ZNF438: variants seen among roughly 807,000 people sequenced by gnomAD.
The protein encoded by ZNF438 is zinc finger protein 438.
Under a neutral mutation model 38.0 loss-of-function variants are expected in ZNF438, and 25 were observed. The observed-to-expected ratio is 0.66, with a 90% CI of 0.48 to 0.92. The LOEUF (loss-of-function observed/expected upper bound fraction) is 0.92, where lower values mean the gene tolerates loss of function less well. Among genes scored for constraint, ZNF438 ranks in the 40% least tolerant of loss-of-function variants. The probability of loss-of-function intolerance (pLI) is 0.00; values close to 1 mark genes in which losing one functional copy is unlikely to be tolerated. For missense variants in ZNF438, 1,007 were observed against 999.6 expected (o/e 1.01, Z -0.10); for synonymous variants, 372 against 364.1 (o/e 1.02, Z -0.25).
chr10:30,928,611 C>T (rs1439846506), intron 2 of ZNF438, among the ~76,000 whole-genome samples: 1 of 149,812 alleles, frequency 6.7e-6, no homozygotes, highest in Non-Finnish European at 1.5e-5. Flanking sequence ...AATTTGAGTA[C>T]TGATATTTAA....
intron 4 of ZNF438, among the ~76,000 whole-genome samples, chr10:30,861,303 T>C (rs1297719204): frequency 6.6e-6 from 1 of 152,208 alleles, no homozygotes; most frequent in Non-Finnish European, 1.5e-5. Context: ...ATTTAGGGAA[T>C]GATGACAAGG....
intron 3 of ZNF438, among the ~76,000 whole-genome samples, chr10:30,889,527 TC>T (rs955614351): frequency 1.3e-5 from 2 of 152,112 alleles, no homozygotes; most frequent in South Asian, 2.1e-4. Flanking sequence ...TGTCTCAGCC[TC>T]CCCAGTAGCT....
intron 1 of ZNF438, among the ~76,000 whole-genome samples, chr10:30,983,110 T>G (rs2052394532): frequency 6.6e-6 from 1 of 152,140 alleles, no homozygotes; most frequent in South Asian, 2.1e-4. Context: ...GGGAACCATT[T>G]AAAGGGCCTG....
chr10:30,897,914 G>A (rs1001871395), intron 3 of ZNF438, among the ~76,000 whole-genome samples: 1 of 152,122 alleles, frequency 6.6e-6, no homozygotes, highest in African/African-American at 2.4e-5. Context: ...CAATCACACA[G>A]CATTAAACTT....
At chr10:30,968,831 C>T (rs572456033) in intron 1 of ZNF438, among the ~76,000 whole-genome samples, 1 of 152,208 alleles carries the variant, frequency 6.6e-6, no homozygotes, top group Non-Finnish European at 1.5e-5. Flanking sequence ...TGTGACCATA[C>T]AGATCTTAGA....
At position 30,908,932 on chromosome 10, in the gene ZNF438, C is replaced by T. The variant is rs2042828342; in HGVS notation, c.-32+1G>A. On this transcript the variant is annotated splice_donor_variant, in intron 3 of 5. Coordinates refer to ENST00000413025, the Ensembl canonical transcript of ZNF438. LOFTEE classifies it low-confidence loss of function (5UTR_SPLICE). ...TATGCAAAAATTATTTAACAAAATA[C>T]CTTTTACTGTTCTTGCATGAAGTTT... The T allele has an allele frequency of 6.6e-6, 1 of 152,044 alleles. No individual in the cohort carries two copies. The highest frequency in any genetic ancestry group is 2.4e-5 in the African/African-American group (1 of 41,398). The allele number at this position is 152,044 out of a possible 1,614,324, so 9.4% of individuals were successfully genotyped here. A position where few individuals can be genotyped will look rare whatever the true frequency, so the allele number is the denominator to read the frequency against.
intron 1 of ZNF438, among the ~76,000 whole-genome samples, chr10:30,963,840 C>G (rs2136086146): frequency 6.6e-6 from 1 of 152,132 alleles, no homozygotes; most frequent in East Asian, 1.9e-4. Context: ...GCACTGCACT[C>G]CAGCCTGGGT....
chr10:30,918,317 G>A (rs1211203299), intron 2 of ZNF438, among the ~76,000 whole-genome samples: 1 of 151,988 alleles, frequency 6.6e-6, no homozygotes, highest in Non-Finnish European at 1.5e-5. Flanking sequence ...AAAGGCCCGT[G>A]GATTTATGCT....
chr10:30,996,422 A>G (rs1183534075), intron 1 of ZNF438, among the ~76,000 whole-genome samples: 1 of 152,164 alleles, frequency 6.6e-6, no homozygotes, highest in East Asian at 1.9e-4. Context: ...TACCATACAA[A>G]CAGTAAACAT....
chr10:30,889,796 G>A (rs2040445782), intron 3 of ZNF438, among the ~76,000 whole-genome samples: 1 of 152,154 alleles, frequency 6.6e-6, no homozygotes, highest in South Asian at 2.1e-4. Context: ...TATGCAATGA[G>A]TTAAAAACCT....
intron 4 of ZNF438, among the ~76,000 whole-genome samples, chr10:30,858,628 A>C (rs1211479321): frequency 6.6e-6 from 1 of 152,238 alleles, no homozygotes; most frequent in African/African-American, 2.4e-5. Flanking sequence ...TTTCTAGTCC[A>C]CATATCTGCA....
intron 1 of ZNF438, among the ~76,000 whole-genome samples, chr10:30,957,447 C>T (rs1159415546): frequency 2.0e-5 from 3 of 152,174 alleles, no homozygotes; most frequent in African/African-American, 7.2e-5. Flanking sequence ...AAGTCTTACC[C>T]ATACAAACCT....
intron 1 of ZNF438, among the ~76,000 whole-genome samples, chr10:31,012,494 A>T (rs551369605): frequency 1.8e-4 from 28 of 152,136 alleles, no homozygotes; most frequent in Non-Finnish European, 3.4e-4. Context: ...GTTTATACAC[A>T]TAATATATGT....
At chr10:31,008,523 G>T (rs763114682) in intron 1 of ZNF438, among the ~76,000 whole-genome samples, 5 of 152,138 alleles carry the variant, frequency 3.3e-5, no homozygotes, top group Admixed American at 6.5e-5. Context: ...TCACATAAAT[G>T]GAATCATACA....
rs75130629 is a variant in ZNF438, at chr10:31,014,004, C to T, written c.-192+17829G>A. On this transcript the variant is annotated intron_variant, in intron 1 of 5. Transcript: ENST00000413025. ...ACTGCTCTTCCCAAAGCACAGATGACTTCTTAAATGAAAATTCCCTCAAAG... is the reference window on the plus strand; with the variant it reads ...ACTGCTCTTCCCAAAGCACAGATGATTTCTTAAATGAAAATTCCCTCAAAG... Among the ~76,000 whole-genome samples the T allele has an allele frequency of 4.1e-3, 629 of 152,246 alleles. 3 individuals are homozygous for T. The highest frequency in any genetic ancestry group is 0.017 in the Middle Eastern group (5 of 294).
intron 1 of ZNF438, among the ~76,000 whole-genome samples, chr10:30,986,804 T>C (rs1175562980): frequency 1.3e-5 from 2 of 152,200 alleles, no homozygotes; most frequent in Non-Finnish European, 2.9e-5. Context: ...TTTTAGAGCA[T>C]TTCTGATTTT....
chr10:30,966,593 C>G (rs2050145127), intron 1 of ZNF438, among the ~76,000 whole-genome samples: 1 of 150,304 alleles, frequency 6.7e-6, no homozygotes, highest in African/African-American at 2.5e-5. Flanking sequence ...TCGCTTGAAC[C>G]TGGGAAGTGG....
chr10:30,994,088 T>C (rs924411211), intron 1 of ZNF438, among the ~76,000 whole-genome samples: 5 of 152,260 alleles, frequency 3.3e-5, no homozygotes, highest in Non-Finnish European at 7.3e-5. Flanking sequence ...GGCTCACAGC[T>C]GAAAAGAATC....
intron 1 of ZNF438, among the ~76,000 whole-genome samples, chr10:31,005,584 T>C (rs919814982): frequency 1.3e-5 from 2 of 152,158 alleles, no homozygotes; most frequent in Admixed American, 6.5e-5. Context: ...CGATGTCTAA[T>C]GTATGACATG....
Sources: allele counts gnomAD v4.1 joint callset (sites outside exome capture counted in the v4.1 genomes callset), GRCh38; gene constraint gnomAD v4.1.1; transcripts MANE v1.5; gene names NCBI Gene and HGNC (gene_info 2026-07-23, HGNC 2026-07-21).